KMT2C: variants seen among roughly 807,000 people sequenced by gnomAD.
The protein encoded by KMT2C is lysine methyltransferase 2C.
A neutral mutation model predicts 507.9 loss-of-function variants in KMT2C; 88 were observed. That is an observed-to-expected ratio of 0.17 (90% CI 0.15 to 0.21). The LOEUF is 0.21. KMT2C is among the 10% of genes least tolerant of loss of function. The pLI is 1.00. For synonymous variants in KMT2C, 2,049 were observed against 2,080.8 expected (o/e 0.98, Z 0.42); for missense variants, 4,954 against 5,957.8 (o/e 0.83, Z 5.55).
intron 1 of KMT2C, among the ~76,000 whole-genome samples, chr7:152,389,407 T>G (rs1418987898): frequency 6.6e-6 from 1 of 151,924 alleles, no homozygotes; most frequent in African/African-American, 2.4e-5. Context: ...TGTGGTATTT[T>G]GTTATGGTAG....
chr7:152,236,926 T>C (rs1395425274), intron 15 of KMT2C, among the ~76,000 whole-genome samples: 1 of 152,190 alleles, frequency 6.6e-6, no homozygotes, highest in Non-Finnish European at 1.5e-5. Context: ...TTAAATAATC[T>C]GAATAATAAA....
intron 1 of KMT2C, among the ~76,000 whole-genome samples, chr7:152,390,344 T>G (rs898381141): frequency 2.0e-5 from 3 of 152,302 alleles, no homozygotes; most frequent in South Asian, 2.1e-4. Flanking sequence ...TGAAATAAAA[T>G]ATTATGTTAA....
intron 1 of KMT2C, chr7:152,367,873 T>C: frequency 9.4e-7 from 1 of 1,066,852 alleles, no homozygotes; most frequent in Non-Finnish European, 1.5e-6. Flanking sequence ...CTTAAACCAT[T>C]GGATATTGAG....
At chr7:152,384,589 A>ACCACCACCT (rs2097405964) in intron 1 of KMT2C, among the ~76,000 whole-genome samples, 1 of 142,842 alleles carries the variant, frequency 7.0e-6, no homozygotes, top group African/African-American at 2.5e-5. Flanking sequence ...CACCACCACC[A>ACCACCACCT]CCACCACCAC....
At chr7:152,364,443 TA>T (rs1487973411) in intron 1 of KMT2C, among the ~76,000 whole-genome samples, 1 of 151,462 alleles carries the variant, frequency 6.6e-6, no homozygotes, top group Admixed American at 6.6e-5. Flanking sequence ...CCATCTCTAC[TA>T]AAAATACAAA....
intron 31 of KMT2C, among the ~76,000 whole-genome samples, chr7:152,192,384 T>C (rs1380249691): frequency 6.6e-6 from 1 of 151,610 alleles, no homozygotes; most frequent in African/African-American, 2.4e-5. Flanking sequence ...CTACTAAAAA[T>C]ACAAAAAATT....
At position 152,248,307 on chromosome 7, in the gene KMT2C, T is replaced by C. The variant is rs1466516021; in HGVS notation, c.2127A>G (p.Leu709=). The C allele has an allele frequency of 9.3e-6, 15 of 1,613,778 alleles. No homozygotes were observed. The highest frequency in any genetic ancestry group is 1.3e-5 in the Non-Finnish European group (15 of 1,179,842). Residue 709 remains leucine, a synonymous_variant, in exon 14 of 59, where the codon TTA becomes TTG. Coordinates refer to ENST00000262189, the MANE Select transcript of KMT2C (RefSeq NM_170606.3). ...LVSPHEESIS[L]CPEEQLVIER... is the part of the protein sequence containing the mutation. ...CTATAACCAACTGTTCCTCAGGACA[T>C]AATGAAATACTTTCCTCATGTGGGG...
At chr7:152,259,540 A>ATAAATC (rs943948214) in intron 9 of KMT2C, among the ~76,000 whole-genome samples, 7 of 152,082 alleles carry the variant, frequency 4.6e-5, no homozygotes, top group Admixed American at 3.3e-4. Flanking sequence ...CTAACAACTG[A>ATAAATC]TAAATCTAAG....
chr7:152,327,828 G>T (rs1269676731), intron 3 of KMT2C, among the ~76,000 whole-genome samples: 2 of 151,558 alleles, frequency 1.3e-5, no homozygotes, highest in Non-Finnish European at 1.5e-5. Flanking sequence ...CGTGGTGGCG[G>T]GCACCTGTAG....
rs558426855 is a variant in KMT2C, at chr7:152,215,508, T to C, written c.3712+5015A>G. On this transcript the variant is annotated intron_variant, in intron 23 of 58. Coordinates refer to ENST00000262189, the MANE Select transcript of KMT2C (RefSeq NM_170606.3). ...CAGCCTGGGCGACACAGCAAGACTC[T>C]GTCTCAAAAAAAAAAAAAAAAAAAA... 7.3e-5 allele frequency among the ~76,000 whole-genome samples: 7 copies of C among 96,464 alleles called. No homozygotes were observed. The South Asian group carries it at 2.1e-3, about 28-fold the overall frequency. 63.3% of individuals were successfully genotyped at this position (96,464 alleles called of 152,430 possible).
intron 32 of KMT2C, 95 bp downstream of exon 32, chr7:152,187,617 CAAT>C (rs559894523): frequency 2.1e-4 from 301 of 1,464,678 alleles, no homozygotes; most frequent in African/African-American, 6.3e-4. Context: ...ACGCAACATA[CAAT>C]AATATCATAC....
intron 9 of KMT2C, among the ~76,000 whole-genome samples, chr7:152,255,065 C>T (rs1367349239): frequency 7.3e-6 from 1 of 137,306 alleles, no homozygotes; most frequent in Non-Finnish European, 1.5e-5. Flanking sequence ...ATCCCTTGTT[C>T]TTGGTTAGGA....
intron 6 of KMT2C, among the ~76,000 whole-genome samples, chr7:152,281,190 A>G (rs917637946): frequency 1.6e-4 from 25 of 152,296 alleles, no homozygotes; most frequent in African/African-American, 5.5e-4. Context: ...CACACATTAC[A>G]GAAAAAAAAT....
chr7:152,277,796 A>G (rs2096112397), intron 6 of KMT2C, among the ~76,000 whole-genome samples: 1 of 152,230 alleles, frequency 6.6e-6, no homozygotes, highest in African/African-American at 2.4e-5. Context: ...TTCTAGGCCT[A>G]TAAAAAATTA....
At chr7:152,408,339 T>C (rs2097643055) in intron 1 of KMT2C, among the ~76,000 whole-genome samples, 1 of 152,186 alleles carries the variant, frequency 6.6e-6, no homozygotes, top group Non-Finnish European at 1.5e-5. Flanking sequence ...ACTCTGAATA[T>C]AAACTATATA....
intron 9 of KMT2C, among the ~76,000 whole-genome samples, chr7:152,255,118 T>TATAC (rs1554583643): frequency 1.7e-4 from 17 of 97,712 alleles, no homozygotes; most frequent in Middle Eastern, 4.7e-3. Flanking sequence ...CTTATATATA[T>TATAC]ATATATATAT....
intron 3 of KMT2C, among the ~76,000 whole-genome samples, chr7:152,320,035 C>A (rs2096758185): frequency 6.6e-6 from 1 of 152,102 alleles, no homozygotes; most frequent in Admixed American, 6.6e-5. Context: ...TCCCCCGGGC[C>A]CAGCTGTCTT....
At position 152,180,797 on chromosome 7, in the gene KMT2C, G is replaced by A. The variant is rs1284609025; in HGVS notation, c.7063C>T (p.Leu2355Phe). 6.2e-7 allele frequency: 1 copy of A among 1,614,054 alleles called. No homozygotes were observed. The highest frequency in any genetic ancestry group is 8.5e-7 in the Non-Finnish European group (1 of 1,180,034). The change falls in exon 36 of 59, where the codon CTT (leucine) becomes TTT (phenylalanine). Residue 2355 changes from leucine to phenylalanine, a missense_variant. Leu to Phe is a conservative substitution (Grantham distance 22). Coordinates refer to ENST00000262189, the MANE Select transcript of KMT2C (RefSeq NM_170606.3). Reference protein sequence around the residue: ...QGQQFSGVSQLPGPVPTSGVT... With the variant: ...QGQQFSGVSQFPGPVPTSGVT... ...CCTGAAGTTGGCACAGGTCCAGGAA[G>A]TTGGGAGACACCAGAGAACTGCTGG...
intron 42 of KMT2C, among the ~76,000 whole-genome samples, chr7:152,164,148 AT>A (rs1427710129): frequency 6.6e-6 from 1 of 152,200 alleles, no homozygotes; most frequent in African/African-American, 2.4e-5. Context: ...TACATAAAAA[AT>A]ATACAATAAA....
Sources: allele counts gnomAD v4.1 joint callset (sites outside exome capture counted in the v4.1 genomes callset), GRCh38; gene constraint gnomAD v4.1.1; transcripts MANE v1.5; gene names NCBI Gene and HGNC (gene_info 2026-07-23, HGNC 2026-07-21).